Variants in NOX4 observed in about 807,000 individuals in gnomAD.
NOX4 encodes the protein NADPH oxidase 4, also known as kidney oxidase-1.
NOX4 carries 69 observed loss-of-function variants against 87.6 expected under a neutral mutation model. That is an observed-to-expected ratio of 0.79 (90% CI 0.65 to 0.96). The LOEUF (loss-of-function observed/expected upper bound fraction) is 0.96, where lower values mean the gene tolerates loss of function less well. Among genes scored for constraint, NOX4 ranks in the 40% least tolerant of loss-of-function variants. NOX4 has a pLI of 0.00. For missense variants in NOX4, 680 were observed against 681.5 expected (o/e 1.00, Z 0.02); for synonymous variants, 275 against 238.2 (o/e 1.15, Z -1.42).
At chr11:89,479,763 C>T (rs2135466628) in intron 2 of NOX4, among the ~76,000 whole-genome samples, 1 of 152,288 alleles carries the variant, frequency 6.6e-6, no homozygotes, top group Middle Eastern at 3.4e-3. Context: ...CCTTTAGTCT[C>T]ATTGTCAGAA....
At position 89,335,879 on chromosome 11, in the gene NOX4, G is replaced by C. The variant is rs142541546; in HGVS notation, c.1582C>G (p.Leu528Val). ...RLFIGRPRWK[L>V]LFDEIAKYNR... is the part of the protein sequence containing the mutation. ...TATTTTGCTATTTCATCAAACAAAAGTTTCCACCGAGGACGTCCTATAAAC... is the reference window on the plus strand; with the variant it reads ...TATTTTGCTATTTCATCAAACAAAACTTTCCACCGAGGACGTCCTATAAAC... Residue 528 changes from leucine (L) to valine (V), a missense_variant, in exon 17 of 18, where the codon CTT (leucine) becomes GTT (valine). Transcript: ENST00000263317. The C allele has an allele frequency of 1.2e-6, 2 of 1,600,414 alleles. No individual in the cohort carries two copies. Among genetic ancestry groups the C allele is most frequent in the Non-Finnish European group, 8.5e-7 (1 of 1,173,056 alleles).
Position 89,349,484 on chromosome 11 carries a change from G to C in NOX4, c.1217+5478C>G, listed in dbSNP as rs1835106634. Among the ~76,000 whole-genome samples, 3 of 152,024 alleles carry C rather than the reference G, an allele frequency of 2.0e-5. 1 individual carries two copies. In the South Asian group the frequency reaches 6.2e-4, roughly 32 times the overall value. Reference sequence around the variant, plus strand: ...ACAGACTATGGAAAGGTCATCTGAGGCTTTGCAGTTTAAGGGTATTACCCA... The same window carrying C: ...ACAGACTATGGAAAGGTCATCTGAGCCTTTGCAGTTTAAGGGTATTACCCA... On this transcript the variant is annotated intron_variant, in intron 13 of 17. Coordinates refer to ENST00000263317, the MANE Select transcript of NOX4 (RefSeq NM_016931.5).
the NOX4 span, among the ~76,000 whole-genome samples, chr11:89,547,244 A>G: frequency 1.3e-5 from 2 of 152,132 alleles, no homozygotes; most frequent in Non-Finnish European, 2.9e-5. Context: ...GGGGGGGACA[A>G]TTGATACCAT....
intron 15 of NOX4, among the ~76,000 whole-genome samples, chr11:89,338,247 T>C (rs1350970262): frequency 6.6e-6 from 1 of 152,122 alleles, no homozygotes; most frequent in African/African-American, 2.4e-5. Context: ...CAGCATAATA[T>C]ATTTTTGCTT....
intron 7 of NOX4, among the ~76,000 whole-genome samples, chr11:89,425,409 CAA>C (rs766357906): frequency 1.4e-5 from 1 of 70,680 alleles, no homozygotes. Flanking sequence ...ATTGAAATAC[CAA>C]AAAAAAAAAA....
Position 89,485,279 on chromosome 11 carries a change from AAAAC to A in NOX4, c.153+5175_153+5178del, listed in dbSNP as rs1382814343. Among the ~76,000 whole-genome samples, 3 of 152,304 alleles carry A rather than the reference AAAAC, an allele frequency of 2.0e-5. No homozygotes were observed. The East Asian group carries it at 5.8e-4, about 29-fold the overall frequency. On this transcript the variant is annotated intron_variant, in intron 2 of 17. Transcript: ENST00000263317. ...AGCTTCAAGATCATGCAGCAGATCTAAAACAATATTTGTGAATAAAAGCAAAATA... is the reference window on the plus strand; with the variant it reads ...AGCTTCAAGATCATGCAGCAGATCTAAATATTTGTGAATAAAAGCAAAATA...
chr11:89,522,351 C>T, the NOX4 span, among the ~76,000 whole-genome samples: 121,772 of 152,096 alleles, frequency 0.8, 49,360 homozygotes, highest in African/African-American at 0.92. Context: ...AATTATGTCC[C>T]TTGTAGCAAC....
chr11:89,444,341 A>G (rs1175707161), intron 4 of NOX4, 109 bp from the exon 5 acceptor site: 2 of 789,222 alleles, frequency 2.5e-6, no homozygotes, highest in Non-Finnish European at 4.2e-6. Flanking sequence ...TTTGACAGCT[A>G]TGTGGACAAT....
chr11:89,447,591 A>C (rs1444011111), intron 4 of NOX4, among the ~76,000 whole-genome samples: 1 of 152,208 alleles, frequency 6.6e-6, no homozygotes, highest in Admixed American at 6.5e-5. Context: ...AGGGTAATGT[A>C]GCCAAAGTCA....
chr11:89,360,144 C>T (rs1291019195), intron 12 of NOX4, among the ~76,000 whole-genome samples: 1 of 151,932 alleles, frequency 6.6e-6, no homozygotes, highest in Non-Finnish European at 1.5e-5. Context: ...GATGAATGCA[C>T]CATAATATCG....
In NOX4 at chr11:89,340,063, C is replaced by A; in HGVS notation, c.1446G>T (p.Lys482Asn). Residue 482 changes from lysine (K) to asparagine (N), a missense_variant and splice_region_variant, in exon 15 of 18, where the codon AAG becomes AAT. Physicochemically the swap from Lys to Asn is moderately conservative, Grantham distance 94. Transcript: ENST00000263317. ...AAACTAGAACCAACCCTAATGTTAC[C>A]TTGTTATGCAACATACAGAGTAAAT... ...FADLLCMLHN[K>N]FWQENRPDYV... The A allele has an allele frequency of 6.6e-7, 1 of 1,504,098 alleles. No homozygotes were observed. The highest frequency in any genetic ancestry group is 8.9e-7 in the Non-Finnish European group (1 of 1,122,776). The allele number at this position is 1,504,098 out of a possible 1,614,324, so 93.2% of individuals were successfully genotyped here.
At chr11:89,488,908 C>A in intron 2 of NOX4, 1 of 654,946 alleles carries the variant, frequency 1.5e-6, no homozygotes, top group East Asian at 2.8e-5. Context: ...GTTGGTTTTT[C>A]CATTATATTG....
chr11:89,371,922 CT>C, intron 12 of NOX4, among the ~76,000 whole-genome samples: 1 of 151,610 alleles, frequency 6.6e-6, no homozygotes, highest in Admixed American at 6.6e-5. Flanking sequence ...GATTTCCTTC[CT>C]TTTTTTTAAG....
chr11:89,355,994 T>C (rs1207478132), intron 12 of NOX4, among the ~76,000 whole-genome samples: 2 of 152,124 alleles, frequency 1.3e-5, no homozygotes, highest in Non-Finnish European at 2.9e-5. Context: ...ATTTTATTTA[T>C]AAATAAAAAC....
At chr11:89,389,720 T>C (rs759758643) in intron 11 of NOX4, among the ~76,000 whole-genome samples, 1 of 152,136 alleles carries the variant, frequency 6.6e-6, no homozygotes, top group South Asian at 2.1e-4. Flanking sequence ...GTGTTAGCAA[T>C]ATGAAAGCCC....
intron 2 of NOX4, among the ~76,000 whole-genome samples, chr11:89,460,423 G>A (rs1309840408): frequency 2.6e-5 from 4 of 152,116 alleles, no homozygotes; most frequent in Non-Finnish European, 5.9e-5. Flanking sequence ...CTGACAAAGG[G>A]CTAATATCCA....
the NOX4 span, among the ~76,000 whole-genome samples, chr11:89,570,710 A>G: frequency 1.3e-5 from 2 of 152,154 alleles, no homozygotes; most frequent in African/African-American, 2.4e-5. Flanking sequence ...GCATACCTGT[A>G]GTTGCAGAGA....
At chr11:89,380,282 G>A (rs915753490) in intron 11 of NOX4, among the ~76,000 whole-genome samples, 3 of 152,134 alleles carry the variant, frequency 2.0e-5, no homozygotes, top group African/African-American at 7.2e-5. Context: ...GAGAAAAACA[G>A]GTAAGTGGAA....
chr11:89,400,630 G>T (rs317141), intron 9 of NOX4, among the ~76,000 whole-genome samples: 2 of 151,674 alleles, frequency 1.3e-5, no homozygotes, highest in Non-Finnish European at 2.9e-5. Flanking sequence ...CTATCCATGA[G>T]CAAACAAGTA....
Sources: gnomAD v4.1 joint callset for allele counts (sites outside exome capture counted in the v4.1 genomes callset) on GRCh38, gnomAD v4.1.1 for gene constraint, MANE v1.5 for transcripts, NCBI Gene and HGNC (gene_info 2026-07-23, HGNC 2026-07-21) for gene names.